The following CMKLR1 variants were observed in gnomAD, a reference collection of about 807,000 sequenced individuals.
CMKLR1 encodes chemerin chemokine-like receptor 1.
A neutral mutation model predicts 8.2 loss-of-function variants in CMKLR1; 6 were observed. That is an observed-to-expected ratio of 0.73 (90% confidence interval 0.40 to 1.44). The LOEUF is 1.44. Among genes scored for constraint, CMKLR1 ranks in the 40% most tolerant of loss-of-function variants. The pLI, the probability that CMKLR1 is intolerant of heterozygous loss-of-function variation, is 0.02. For synonymous variants in CMKLR1, 178 were observed against 181.2 expected, an observed-to-expected ratio of 0.98 and a Z score of 0.14; for missense variants, 429 against 478.0, an observed-to-expected ratio of 0.90 and a Z score of 0.96.
At chr12:108,293,161 ACTCT>A (rs1479699020) in intron 3 of CMKLR1, among the ~76,000 whole-genome samples, 2 of 151,970 alleles carry the variant, frequency 1.3e-5, no homozygotes, top group Admixed American at 6.6e-5. Flanking sequence ...TGCATTCTAC[ACTCT>A]CTTAATCTTC....
At chr12:108,315,506 G>C (rs1260648933) in intron 2 of CMKLR1, among the ~76,000 whole-genome samples, 1 of 152,098 alleles carries the variant, frequency 6.6e-6, no homozygotes, top group Non-Finnish European at 1.5e-5. Context: ...TACTAGCCTT[G>C]CCCACCTACT....
At chr12:108,312,098 C>T (rs1011445250) in intron 2 of CMKLR1, among the ~76,000 whole-genome samples, 1 of 152,194 alleles carries the variant, frequency 6.6e-6, no homozygotes, top group Non-Finnish European at 1.5e-5. Flanking sequence ...TAGCTGTGAG[C>T]TTGACACCCC....
Position 108,290,421 on chromosome 12 carries a change from A to G in CMKLR1, c.*1420T>C, listed in dbSNP as rs1890932438. On this transcript the variant is annotated 3_prime_UTR_variant, in exon 4 of 4. Transcript: ENST00000550402. The stretch of plus-strand genomic sequence containing the variant: ...TCAGGGTTGCTGTAATGATTAAATG[A>G]GAAAACATATGTAAAGTGCATAATA... 6.6e-6 allele frequency: 1 copy of G among 152,228 alleles called. No homozygotes were observed. Among genetic ancestry groups the G allele is most frequent in the Admixed American group, 6.5e-5 (1 of 15,282 alleles). The allele number at this position is 152,228 out of a possible 1,614,324, so 9.4% of individuals were successfully genotyped here. A position where few individuals can be genotyped will look rare whatever the true frequency, so the allele number is the denominator to read the frequency against.
At chr12:108,299,094 G>A (rs1159106846) in intron 2 of CMKLR1, among the ~76,000 whole-genome samples, 3 of 152,218 alleles carry the variant, frequency 2.0e-5, no homozygotes, top group African/African-American at 7.2e-5. Context: ...TAGCTAAAGT[G>A]ACAGGAATTT....
Position 108,291,902 on chromosome 12 carries a change from G to T in CMKLR1, c.1061C>A (p.Thr354Asn), listed in dbSNP as rs1384347378. ...HSSYPSHRSF[T>N]KMSSMNERTS... The stretch of plus-strand genomic sequence containing the variant: ...CCTCTCATTCATTGATGACATCTTG[G>T]TAAAGCTTCTATGGCTGGGGTAGGA... The change falls in exon 4 of 4, where the codon ACC becomes AAC. Residue 354 changes from threonine (T) to asparagine (N), a missense_variant. Transcript: ENST00000550402. 2 of 1,614,046 alleles carry T rather than the reference G, an allele frequency of 1.2e-6. No homozygotes were observed. The highest frequency in any genetic ancestry group is 2.7e-5 in the African/African-American group (2 of 74,908).
At chr12:108,319,387 G>T (rs1353895181) in intron 2 of CMKLR1, among the ~76,000 whole-genome samples, 1 of 152,198 alleles carries the variant, frequency 6.6e-6, no homozygotes, top group Non-Finnish European at 1.5e-5. Flanking sequence ...GAAAATGGAG[G>T]AGCTAGGACT....
chr12:108,303,709 A>G (rs1007417295), intron 2 of CMKLR1, among the ~76,000 whole-genome samples: 24 of 152,284 alleles, frequency 1.6e-4, no homozygotes, highest in African/African-American at 5.1e-4. Context: ...CAGAAAATCA[A>G]TCTGGCAAGA....
intron 2 of CMKLR1, among the ~76,000 whole-genome samples, chr12:108,326,609 G>A (rs1476376380): frequency 2.6e-5 from 4 of 152,206 alleles, no homozygotes; most frequent in Non-Finnish European, 4.4e-5. Context: ...TCACAGGGGA[G>A]GATTCATGGA....
intron 2 of CMKLR1, among the ~76,000 whole-genome samples, chr12:108,319,660 C>T (rs926270218): frequency 6.6e-6 from 1 of 152,110 alleles, no homozygotes; most frequent in Admixed American, 6.5e-5. Flanking sequence ...ATACCTGGCC[C>T]ATGGTATGTT....
intron 2 of CMKLR1, 126 bp from the exon 3 acceptor site, chr12:108,293,790 A>AAGTTCAG: frequency 1.6e-6 from 1 of 631,768 alleles, no homozygotes; most frequent in Middle Eastern, 2.7e-4. Context: ...AAGGAAGCAG[A>AAGTTCAG]AGTTCAGAAA....
chr12:108,318,811 A>G (rs1325515414), intron 2 of CMKLR1, among the ~76,000 whole-genome samples: 1 of 152,220 alleles, frequency 6.6e-6, no homozygotes, highest in Non-Finnish European at 1.5e-5. Context: ...AGCAGCCCTG[A>G]GAACTGCCAA....
chr12:108,296,709 C>T (rs1356701743), intron 2 of CMKLR1, among the ~76,000 whole-genome samples: 1 of 152,094 alleles, frequency 6.6e-6, no homozygotes, highest in Non-Finnish European at 1.5e-5. Context: ...GCCTGTAATC[C>T]CAGCTACTCA....
chr12:108,302,179 A>C (rs2137304682), intron 2 of CMKLR1, among the ~76,000 whole-genome samples: 1 of 152,332 alleles, frequency 6.6e-6, no homozygotes, highest in East Asian at 1.9e-4. Flanking sequence ...TGCACATGAA[A>C]ACCACAACCA....
At chr12:108,300,121 G>A (rs555511303) in intron 2 of CMKLR1, among the ~76,000 whole-genome samples, 11 of 152,260 alleles carry the variant, frequency 7.2e-5, no homozygotes, top group East Asian at 1.9e-4. Flanking sequence ...GGCTTTGTTC[G>A]GTTTCGTTTT....
intron 2 of CMKLR1, among the ~76,000 whole-genome samples, chr12:108,303,420 A>T (rs935780804): frequency 2.6e-5 from 4 of 152,246 alleles, no homozygotes; most frequent in Non-Finnish European, 2.9e-5. Flanking sequence ...TTATTAAACA[A>T]ATACACGTAC....
At chr12:108,334,018 G>A (rs1424689357) in intron 1 of CMKLR1, among the ~76,000 whole-genome samples, 2 of 152,230 alleles carry the variant, frequency 1.3e-5, no homozygotes, top group African/African-American at 4.8e-5. Context: ...CCTCAGCAGG[G>A]GCTATGGAAA....
At chr12:108,299,303 C>T (rs775899588) in intron 2 of CMKLR1, among the ~76,000 whole-genome samples, 4 of 152,216 alleles carry the variant, frequency 2.6e-5, no homozygotes, top group Non-Finnish European at 5.9e-5. Flanking sequence ...ACAACTGAAA[C>T]TTCTCTTGAC....
intron 2 of CMKLR1, among the ~76,000 whole-genome samples, chr12:108,298,540 C>T (rs1566019379): frequency 6.6e-6 from 1 of 152,250 alleles, no homozygotes; most frequent in Admixed American, 6.5e-5. Context: ...CGTCCAGCTC[C>T]ACCCTACAGG....
At chr12:108,298,219 C>T (rs1891184257) in intron 2 of CMKLR1, among the ~76,000 whole-genome samples, 2 of 152,172 alleles carry the variant, frequency 1.3e-5, no homozygotes, top group African/African-American at 2.4e-5. Context: ...ATGTCTACAT[C>T]GAATTATACT....
Sources: allele counts gnomAD v4.1 joint callset (sites outside exome capture counted in the v4.1 genomes callset), GRCh38; gene constraint gnomAD v4.1.1; transcripts MANE v1.5; gene names NCBI Gene and HGNC (gene_info 2026-07-23, HGNC 2026-07-21).